The following VAV2 variants were observed in gnomAD, a reference collection of about 807,000 sequenced individuals.
VAV2 encodes the protein guanine nucleotide exchange factor VAV2.
A neutral mutation model predicts 132.5 loss-of-function variants in VAV2; 67 were observed. The observed-to-expected ratio is 0.51, with a 90% CI of 0.42 to 0.62. VAV2 has a LOEUF of 0.62. VAV2 is among the 20% of genes least tolerant of loss of function. The pLI is 0.00. For missense variants in VAV2, 938 were observed against 1,153.6 expected (o/e 0.81, Z 2.71); for synonymous variants, 492 against 443.5 (o/e 1.11, Z -1.37).
At chr9:133,941,895 C>G (rs927641735) in intron 1 of VAV2, among the ~76,000 whole-genome samples, 1 of 152,318 alleles carries the variant, frequency 6.6e-6, no homozygotes, top group African/African-American at 2.4e-5. Context: ...TGAGCCACCA[C>G]GCCAGGCCGT....
intron 3 of VAV2, among the ~76,000 whole-genome samples, chr9:133,844,062 C>T (rs1342247181): frequency 1.3e-5 from 2 of 152,122 alleles, no homozygotes; most frequent in African/African-American, 4.8e-5. Context: ...TGTTTCTGCC[C>T]CTGTTTCCAG....
intron 3 of VAV2, among the ~76,000 whole-genome samples, chr9:133,845,227 C>T (rs955868950): frequency 3.9e-5 from 6 of 152,256 alleles, no homozygotes; most frequent in Admixed American, 2.0e-4. Flanking sequence ...AGCGTGGACG[C>T]GCTGGGCCAG....
rs1840496737 is a variant in VAV2, at chr9:133,926,861, G to C, written c.321+12242C>G. Among the ~76,000 whole-genome samples, 1 of 152,194 alleles carries C rather than the reference G, an allele frequency of 6.6e-6. No individual in the cohort carries two copies. The highest frequency in any genetic ancestry group is 1.5e-5 in the Non-Finnish European group (1 of 68,044). Reference sequence around the variant, plus strand: ...GCTAAGCAGAGCACACAGAAGCAGAGAGGACCACCCTCCTGGCAACAGCCC... The same window carrying C: ...GCTAAGCAGAGCACACAGAAGCAGACAGGACCACCCTCCTGGCAACAGCCC... On this transcript the variant is annotated intron_variant, in intron 2 of 29. Coordinates refer to ENST00000371850, the MANE Select transcript of VAV2 (RefSeq NM_001134398.2). The surrounding 1 kb of genome is among the most constrained non-coding windows in gnomAD (Gnocchi z 4.3).
chr9:133,783,518 G>A lies in VAV2; in HGVS notation c.1708C>T (p.Pro570Ser), dbSNP rs374011637. 26 of 1,613,878 alleles carry A rather than the reference G, an allele frequency of 1.6e-5. No homozygotes were observed. The highest frequency in any genetic ancestry group is 2.2e-5 in the Non-Finnish European group (26 of 1,179,958). ...GGGTACTCACTGAACTTGCAGGGAG[G>A]TATCACTTCCAGGCACTCCTTGTGT... Reference protein sequence around the residue: ...GAHKECLEVIPPCKFTSPADL... With the variant: ...GAHKECLEVISPCKFTSPADL... Residue 570 changes from proline (P) to serine (S), a missense_variant, in exon 19 of 30, where the codon CCT becomes TCT. Coordinates refer to ENST00000371850, the MANE Select transcript of VAV2 (RefSeq NM_001134398.2).
At chr9:133,789,417 A>G in intron 13 of VAV2, 74 bp from the exon 14 acceptor site, 1 of 1,438,966 alleles carries the variant, frequency 6.9e-7, no homozygotes, top group Non-Finnish European at 9.8e-7. Flanking sequence ...GGCAGGGCAG[A>G]CTGTCGTGCA....
rs1834957039 is a variant in VAV2 at position 133,802,260 on chromosome 9, AC to A, written c.836+3820del. 6.7e-6 allele frequency among the ~76,000 whole-genome samples: 1 copy of A among 148,310 alleles called. No individual in the cohort carries two copies. Among genetic ancestry groups the A allele is most frequent in the African/African-American group, 2.6e-5 (1 of 37,952 alleles). ...GGAGCCAAAACTTGGAATAACACAC[AC>A]GGGCACACATGTATGCACACACACA... is the stretch of plus-strand genomic sequence containing the variant. On this transcript the variant is annotated intron_variant, in intron 9 of 29. Coordinates refer to ENST00000371850, the MANE Select transcript of VAV2 (RefSeq NM_001134398.2). The surrounding 1 kb of genome is among the most constrained non-coding windows in gnomAD (Gnocchi z 5.8).
At chr9:133,847,211 C>T (rs149219041) in intron 3 of VAV2, among the ~76,000 whole-genome samples, 6 of 152,354 alleles carry the variant, frequency 3.9e-5, no homozygotes, top group East Asian at 1.9e-4. Context: ...CCTGGAGCGA[C>T]GTGCAGGGTT....
intron 4 of VAV2, among the ~76,000 whole-genome samples, chr9:133,814,345 T>A (rs1374974366): frequency 6.6e-6 from 1 of 152,202 alleles, no homozygotes; most frequent in Non-Finnish European, 1.5e-5. Flanking sequence ...TGCAGGCAAG[T>A]GACTGCAGGG....
intron 19 of VAV2, among the ~76,000 whole-genome samples, chr9:133,783,258 A>AG (rs932447874): frequency 6.6e-6 from 1 of 152,070 alleles, no homozygotes; most frequent in African/African-American, 2.4e-5. Context: ...GGAGATGGGG[A>AG]GGGGTCCTCA....
intron 1 of VAV2, among the ~76,000 whole-genome samples, chr9:133,946,024 C>T (rs1264963240): frequency 3.3e-5 from 5 of 152,228 alleles, no homozygotes; most frequent in African/African-American, 9.6e-5. Context: ...CTGAGGCCAT[C>T]TCACTGGGGA....
intron 4 of VAV2, among the ~76,000 whole-genome samples, chr9:133,816,159 T>A (rs1210095449): frequency 6.6e-6 from 1 of 152,256 alleles, no homozygotes. Context: ...TCAAGACTTT[T>A]GTCCATTTCT....
rs566751015 is a variant in VAV2, at chr9:133,935,763, G to A, written c.321+3340C>T. 1.2e-3 allele frequency among the ~76,000 whole-genome samples: 179 copies of A among 152,344 alleles called. No individual in the cohort carries two copies. Among genetic ancestry groups the A allele is most frequent in the African/African-American group, 4.1e-3 (171 of 41,576 alleles). On this transcript the variant is annotated intron_variant, in intron 2 of 29. Coordinates refer to ENST00000371850, the MANE Select transcript of VAV2 (RefSeq NM_001134398.2). This position sits in a 1 kb window ranked among gnomAD's most constrained non-coding sequence, Gnocchi z 5.2. ...GACCACGGTAGGAAAAACATCCAGG[G>A]AAGGAAGCAAGCACCGCCACAGAGA...
intron 4 of VAV2, among the ~76,000 whole-genome samples, chr9:133,815,156 C>T (rs957686767): frequency 3.9e-5 from 6 of 151,954 alleles, no homozygotes; most frequent in Non-Finnish European, 8.8e-5. Flanking sequence ...CCGGGTGGAC[C>T]TAGAAAAGGG....
rs543930995 is a variant in VAV2 at position 133,770,563 on chromosome 9, C to T, written c.2224-62G>A. 41 of 1,595,270 alleles carry T rather than the reference C, an allele frequency of 2.6e-5. No homozygotes were observed. The East Asian group carries it at 3.6e-4, about 14-fold the overall frequency. On this transcript the variant is annotated intron_variant, in intron 26 of 29. Coordinates refer to ENST00000371850, the MANE Select transcript of VAV2 (RefSeq NM_001134398.2). ...CCTCCAGGAAGTCCTCCCCCAGTGACCTGGCCTCCCTCTCCCACCTCTTGG... is the reference window on the plus strand; with the variant it reads ...CCTCCAGGAAGTCCTCCCCCAGTGATCTGGCCTCCCTCTCCCACCTCTTGG...
intron 2 of VAV2, among the ~76,000 whole-genome samples, chr9:133,893,987 G>T (rs1392549050): frequency 6.6e-6 from 1 of 152,188 alleles, no homozygotes; most frequent in Non-Finnish European, 1.5e-5. Flanking sequence ...TCGGGGAGAA[G>T]GAAGACAGTA....
rs1249462218 is a variant in VAV2, at chr9:133,788,194, G to A, written c.1407+160C>T. Among the ~76,000 whole-genome samples, 1 of 152,194 alleles carries A rather than the reference G, an allele frequency of 6.6e-6. No homozygotes were observed. The highest frequency in any genetic ancestry group is 1.5e-5 in the Non-Finnish European group (1 of 68,042). ...GTCACGACGGCGAGGCAGTGACTCAGAGAGGAGCCTTCCTGCAGAGCGGAG... is the reference window on the plus strand; with the variant it reads ...GTCACGACGGCGAGGCAGTGACTCAAAGAGGAGCCTTCCTGCAGAGCGGAG... On this transcript the variant is annotated intron_variant, in intron 15 of 29. Transcript: ENST00000371850. The surrounding 1 kb of genome is among the most constrained non-coding windows in gnomAD (Gnocchi z 5.3).
At chr9:133,871,851 C>T (rs1838067948) in intron 2 of VAV2, among the ~76,000 whole-genome samples, 1 of 152,180 alleles carries the variant, frequency 6.6e-6, no homozygotes, top group African/African-American at 2.4e-5. Context: ...ACCTGAGAGC[C>T]ACCACCTGCC....
At chr9:133,869,244 T>A (rs1837930236) in intron 2 of VAV2, among the ~76,000 whole-genome samples, 1 of 151,992 alleles carries the variant, frequency 6.6e-6, no homozygotes, top group African/African-American at 2.4e-5. Context: ...CACCTCGGCC[T>A]CCCAAAGTGC....
chr9:133,856,781 A>G (rs1837400525), intron 3 of VAV2, among the ~76,000 whole-genome samples: 1 of 152,140 alleles, frequency 6.6e-6, no homozygotes, highest in African/African-American at 2.4e-5. Context: ...TCCTGGGCCC[A>G]CAGCCCCATC....
Sources: allele counts gnomAD v4.1 joint callset (sites outside exome capture counted in the v4.1 genomes callset), GRCh38; gene constraint gnomAD v4.1.1; non-coding constraint Gnocchi (gnomAD v3.1); transcripts MANE v1.5; gene names NCBI Gene and HGNC (gene_info 2026-07-23, HGNC 2026-07-21).